ME3: variants seen among roughly 807,000 people sequenced by gnomAD.
ME3 encodes the protein NADP-dependent malic enzyme, mitochondrial.
A neutral mutation model predicts 68.9 loss-of-function variants in ME3; 48 were observed. The observed-to-expected ratio is 0.70, with a 90% CI of 0.55 to 0.89. ME3 has a LOEUF of 0.89. ME3 is among the 40% of genes least tolerant of loss of function. The pLI, the probability that ME3 is intolerant of heterozygous loss-of-function variation, is 0.00. For missense variants in ME3, 675 were observed against 797.4 expected (o/e 0.85, Z 1.85); for synonymous variants, 320 against 318.8 (o/e 1.00, Z -0.04).
At position 86,559,685 on chromosome 11, in the gene ME3, C is replaced by A; in HGVS notation, c.317+5G>T. The A allele has an allele frequency of 6.2e-7, 1 of 1,612,162 alleles. No homozygotes were observed. Among genetic ancestry groups the A allele is most frequent in the South Asian group, 1.1e-5 (1 of 90,758 alleles). On this transcript the variant is annotated splice_donor_5th_base_variant and intron_variant, in intron 3 of 14. Transcript: ENST00000543262. ...AGACAGAGAGAACAGACACTAGGTA[C>A]TGACTTGTCCAGGTCACTCTGCTGC...
chr11:86,668,726 A>G (rs559489833), intron 2 of ME3, among the ~76,000 whole-genome samples: 23 of 152,336 alleles, frequency 1.5e-4, no homozygotes, highest in African/African-American at 4.8e-4. Context: ...CTCTCAGATA[A>G]TTCCACCTCC....
At chr11:86,471,128 G>C in intron 7 of ME3, among the ~76,000 whole-genome samples, 1 of 135,382 alleles carries the variant, frequency 7.4e-6, no homozygotes, top group Admixed American at 7.5e-5. Context: ...TACTTAAACT[G>C]TAAGGCCCAG....
At chr11:86,628,850 G>A (rs917254560) in intron 2 of ME3, among the ~76,000 whole-genome samples, 10 of 152,160 alleles carry the variant, frequency 6.6e-5, no homozygotes, top group African/African-American at 2.2e-4. Flanking sequence ...TTACAGAAAA[G>A]TCTATGAGGA....
intron 7 of ME3, among the ~76,000 whole-genome samples, chr11:86,472,618 A>G (rs1950845589): frequency 6.6e-6 from 1 of 152,226 alleles, no homozygotes; most frequent in African/African-American, 2.4e-5. Flanking sequence ...ATCACTTACT[A>G]AACGCATGAC....
chr11:86,565,654 T>C (rs1257614039), intron 2 of ME3, among the ~76,000 whole-genome samples: 5 of 152,260 alleles, frequency 3.3e-5, no homozygotes, highest in African/African-American at 1.2e-4. Flanking sequence ...GGGTGAATTG[T>C]ATGGTATGTA....
intron 4 of ME3, among the ~76,000 whole-genome samples, chr11:86,551,405 G>A (rs1461485122): frequency 2.0e-5 from 3 of 152,106 alleles, no homozygotes; most frequent in African/African-American, 7.2e-5. Context: ...AAGTGTGAGA[G>A]TGTGTGTGTG....
chr11:86,650,371 G>T (rs1367746760), intron 2 of ME3, among the ~76,000 whole-genome samples: 3 of 152,052 alleles, frequency 2.0e-5, no homozygotes, highest in African/African-American at 7.2e-5. Flanking sequence ...GAAAACCTAG[G>T]CAATACCATT....
rs192801497 is a variant in ME3, at chr11:86,595,497, G to C, written c.184-35674C>G. 1.3e-4 allele frequency among the ~76,000 whole-genome samples: 15 copies of C among 116,938 alleles called. 3 individuals carry two copies. Among genetic ancestry groups the C allele is most frequent in the African/African-American group, 4.8e-4 (15 of 31,072 alleles). The allele number at this position is 116,938 out of a possible 152,430, so 76.7% of individuals were successfully genotyped here. On this transcript the variant is annotated intron_variant, in intron 2 of 14. Coordinates refer to ENST00000543262, the Ensembl canonical transcript of ME3. Reference sequence around the variant, plus strand: ...TCTGATCCCAATTAGTCTGCCTTTAGAGTCTGTGCTCTTAAACACTATCCT... The same window carrying C: ...TCTGATCCCAATTAGTCTGCCTTTACAGTCTGTGCTCTTAAACACTATCCT...
intron 2 of ME3, among the ~76,000 whole-genome samples, chr11:86,658,735 G>A (rs1278206281): frequency 6.6e-6 from 1 of 152,056 alleles, no homozygotes; most frequent in Non-Finnish European, 1.5e-5. Context: ...CTGCCCCACT[G>A]GCACCCATGC....
intron 4 of ME3, among the ~76,000 whole-genome samples, chr11:86,525,996 C>T (rs1370856452): frequency 6.6e-6 from 1 of 152,196 alleles, no homozygotes; most frequent in Non-Finnish European, 1.5e-5. Context: ...GAGTTCATCT[C>T]ACTGGGGAGT....
intron 2 of ME3, among the ~76,000 whole-genome samples, chr11:86,602,550 A>C (rs1023483563): frequency 1.4e-4 from 21 of 152,180 alleles, no homozygotes; most frequent in Admixed American, 2.6e-4. Context: ...TATAGATTCA[A>C]TGCCATCCCC....
At chr11:86,462,403 T>G (rs1950265152) in intron 8 of ME3, among the ~76,000 whole-genome samples, 1 of 152,176 alleles carries the variant, frequency 6.6e-6, no homozygotes, top group South Asian at 2.1e-4. Context: ...AGTAGGCTAT[T>G]AGTAGCTAAG....
chr11:86,587,577 A>C (rs545285018), intron 2 of ME3, among the ~76,000 whole-genome samples: 1 of 152,142 alleles, frequency 6.6e-6, no homozygotes, highest in Non-Finnish European at 1.5e-5. Flanking sequence ...AAAGCCCTTC[A>C]TGACTACTGT....
chr11:86,491,714 A>G (rs1407228618), intron 6 of ME3, among the ~76,000 whole-genome samples: 1 of 152,300 alleles, frequency 6.6e-6, no homozygotes, highest in East Asian at 1.9e-4. Flanking sequence ...GGACTTCTTC[A>G]TAGGTGTTTA....
chr11:86,654,947 C>T (rs1945753831), intron 2 of ME3, among the ~76,000 whole-genome samples: 1 of 152,140 alleles, frequency 6.6e-6, no homozygotes. Flanking sequence ...GTCTTATACA[C>T]AAATAACAGA....
chr11:86,486,226 C>T (rs1951679372), intron 7 of ME3, among the ~76,000 whole-genome samples: 2 of 152,218 alleles, frequency 1.3e-5, no homozygotes, highest in Non-Finnish European at 2.9e-5. Context: ...GACTTTTTCC[C>T]CCCATCCTAC....
chr11:86,528,112 T>C (rs1954910161), intron 4 of ME3, among the ~76,000 whole-genome samples: 1 of 152,056 alleles, frequency 6.6e-6, no homozygotes, highest in African/African-American at 2.4e-5. Flanking sequence ...AGGAAACCCA[T>C]CTCACGTGCA....
At chr11:86,490,066 C>G (rs1951907967) in intron 6 of ME3, among the ~76,000 whole-genome samples, 1 of 152,092 alleles carries the variant, frequency 6.6e-6, no homozygotes. Context: ...TTCTGCATAC[C>G]AACAAGAATC....
At chr11:86,573,683 G>A (rs1957930038) in intron 2 of ME3, among the ~76,000 whole-genome samples, 1 of 150,636 alleles carries the variant, frequency 6.6e-6, no homozygotes, top group Non-Finnish European at 1.5e-5. Context: ...TAGGAGTGGA[G>A]AGAGACAGCA....
Sources: gnomAD v4.1 joint callset for allele counts (sites outside exome capture counted in the v4.1 genomes callset) on GRCh38, gnomAD v4.1.1 for gene constraint, MANE v1.5 for transcripts, NCBI Gene and HGNC (gene_info 2026-07-23, HGNC 2026-07-21) for gene names.